Variants in MSRA observed in about 807,000 individuals in gnomAD.
The protein encoded by MSRA is methionine sulfoxide reductase A, also known as mitochondrial peptide methionine sulfoxide reductase.
Under a neutral mutation model 31.3 loss-of-function variants are expected in MSRA, and 54 were observed. The ratio of observed to expected loss-of-function variants is 1.73; its 90% CI spans 1.39 to 2.17. The LOEUF (loss-of-function observed/expected upper bound fraction) is 2.17. Ranked by LOEUF, MSRA falls within the 30% of genes most tolerant of loss-of-function variation. The pLI is 0.00. For missense variants in MSRA, 507 were observed against 300.9 expected (o/e 1.69, Z -5.07); for synonymous variants, 169 against 116.5 (o/e 1.45, Z -2.90).
At chr8:10,410,032 C>T (rs763976626) in intron 5 of MSRA, among the ~76,000 whole-genome samples, 2 of 152,202 alleles carry the variant, frequency 1.3e-5, no homozygotes, top group Admixed American at 1.3e-4. Context: ...TGCACTCCCC[C>T]CTGGGTTACA....
At chr8:10,282,041 ACT>A (rs1474464261) in intron 3 of MSRA, among the ~76,000 whole-genome samples, 1 of 151,716 alleles carries the variant, frequency 6.6e-6, no homozygotes, top group Non-Finnish European at 1.5e-5. Context: ...GTTCTTCCAG[ACT>A]CTCCCCCCAC....
intron 5 of MSRA, among the ~76,000 whole-genome samples, chr8:10,407,969 T>C (rs1303474498): frequency 6.6e-6 from 1 of 152,164 alleles, no homozygotes; most frequent in Non-Finnish European, 1.5e-5. Context: ...GTTAATAGGA[T>C]TGCAAAGAAG....
chr8:10,307,359 A>G (rs916377159), intron 4 of MSRA, among the ~76,000 whole-genome samples: 6 of 151,838 alleles, frequency 4.0e-5, no homozygotes, highest in African/African-American at 1.2e-4. Context: ...GTAGAGATGG[A>G]TTTCGCCATG....
intron 5 of MSRA, among the ~76,000 whole-genome samples, chr8:10,342,872 G>A (rs1024659809): frequency 1.3e-5 from 2 of 152,220 alleles, no homozygotes; most frequent in Admixed American, 6.5e-5. Flanking sequence ...CTCTGCCACT[G>A]TGTGACTTCG....
At chr8:10,151,418 C>T (rs569449475) in intron 1 of MSRA, among the ~76,000 whole-genome samples, 32 of 151,596 alleles carry the variant, frequency 2.1e-4, no homozygotes, top group Admixed American at 1.8e-3. Context: ...CTGAGGTGGG[C>T]GGATCATGAG....
intron 3 of MSRA, among the ~76,000 whole-genome samples, chr8:10,246,206 A>G (rs2129083195): frequency 6.6e-6 from 1 of 152,314 alleles, no homozygotes; most frequent in South Asian, 2.1e-4. Context: ...CTTGCAACCA[A>G]CTATGTGGTC....
chr8:10,236,343 A>G (rs917765871), intron 2 of MSRA, among the ~76,000 whole-genome samples: 1 of 152,236 alleles, frequency 6.6e-6, no homozygotes, highest in Non-Finnish European at 1.5e-5. Flanking sequence ...AACTTTCTGT[A>G]TAGGAAATCA....
chr8:10,117,335 G>A (rs189692147), intron 1 of MSRA, among the ~76,000 whole-genome samples: 1 of 152,264 alleles, frequency 6.6e-6, no homozygotes, highest in African/African-American at 2.4e-5. Context: ...ATTCCTAGAA[G>A]GGGCAACAAA....
intron 1 of MSRA, among the ~76,000 whole-genome samples, chr8:10,173,878 C>T (rs935753742): frequency 1.3e-5 from 2 of 152,208 alleles, no homozygotes; most frequent in African/African-American, 4.8e-5. Flanking sequence ...CATAAAGACA[C>T]ACCTGGACTG....
chr8:10,225,145 A>G (rs1417401959), intron 2 of MSRA, among the ~76,000 whole-genome samples: 1 of 152,206 alleles, frequency 6.6e-6, no homozygotes, highest in Non-Finnish European at 1.5e-5. Flanking sequence ...TCAAGAATAA[A>G]TAAATAAATA....
intron 5 of MSRA, among the ~76,000 whole-genome samples, chr8:10,398,005 C>A (rs549770374): frequency 2.6e-5 from 4 of 152,270 alleles, no homozygotes; most frequent in African/African-American, 9.6e-5. Flanking sequence ...GGCATTGATT[C>A]AGCACAAGTA....
intron 1 of MSRA, among the ~76,000 whole-genome samples, chr8:10,098,946 T>G (rs1351678784): frequency 6.6e-6 from 1 of 152,210 alleles, no homozygotes; most frequent in Non-Finnish European, 1.5e-5. Context: ...TTCTTTCCTT[T>G]GTTTTCTGTT....
rs139957378 is a variant in MSRA, at chr8:10,422,893, C to G, written c.544-5255C>G. On this transcript the variant is annotated intron_variant, in intron 5 of 5. Transcript: ENST00000317173. ...AGGCAAGTCCGTCATGACCTGAACTCATTCTCCATCCCCAAAAGTGGCCCC... is the reference window on the plus strand; with the variant it reads ...AGGCAAGTCCGTCATGACCTGAACTGATTCTCCATCCCCAAAAGTGGCCCC... Among the ~76,000 whole-genome samples the G allele has an allele frequency of 5.4e-3, 816 of 152,342 alleles. 3 individuals are homozygous for G. Among genetic ancestry groups the G allele is most frequent in the African/African-American group, 0.016 (663 of 41,582 alleles).
intron 3 of MSRA, among the ~76,000 whole-genome samples, chr8:10,299,455 C>G (rs1800725382): frequency 6.6e-6 from 1 of 152,080 alleles, no homozygotes; most frequent in Admixed American, 6.6e-5. Flanking sequence ...CCCAAACTCT[C>G]CACTGTCATT....
intron 1 of MSRA, chr8:10,095,782 A>G (rs1043590190): frequency 1.7e-5 from 20 of 1,188,004 alleles, no homozygotes; most frequent in South Asian, 1.3e-4. Flanking sequence ...GGTACATACA[A>G]TGACGTTTAG....
At chr8:10,151,501 T>G (rs761221961) in intron 1 of MSRA, among the ~76,000 whole-genome samples, 2 of 151,632 alleles carry the variant, frequency 1.3e-5, no homozygotes, top group Admixed American at 1.3e-4. Context: ...AAATAAAAAA[T>G]TAGCCGGGCG....
chr8:10,093,180 T>C (rs1018367137), intron 1 of MSRA, among the ~76,000 whole-genome samples: 3 of 152,216 alleles, frequency 2.0e-5, no homozygotes, highest in East Asian at 1.9e-4. Context: ...TTAATTCATT[T>C]AAGTTTAATG....
chr8:10,294,028 AC>A (rs1800394404), intron 3 of MSRA, among the ~76,000 whole-genome samples: 1 of 152,030 alleles, frequency 6.6e-6, no homozygotes, highest in Admixed American at 6.6e-5. Flanking sequence ...ACATGGCGAA[AC>A]CCCATCTCTA....
intron 1 of MSRA, among the ~76,000 whole-genome samples, chr8:10,085,237 G>C (rs544925737): frequency 6.6e-6 from 1 of 152,138 alleles, no homozygotes; most frequent in African/African-American, 2.4e-5. Flanking sequence ...CCTGCCTTTG[G>C]GTTTGTTCTT....
Sources: gnomAD v4.1 joint callset for allele counts (sites outside exome capture counted in the v4.1 genomes callset) on GRCh38, gnomAD v4.1.1 for gene constraint, MANE v1.5 for transcripts, NCBI Gene and HGNC (gene_info 2026-07-23, HGNC 2026-07-21) for gene names.